LAMA4: variants seen among roughly 807,000 people sequenced by gnomAD.
The protein encoded by LAMA4 is laminin subunit alpha-4.
A neutral mutation model predicts 207.1 loss-of-function variants in LAMA4; 127 were observed. The ratio of observed to expected loss-of-function variants is 0.61; its 90% CI spans 0.53 to 0.71. The LOEUF (loss-of-function observed/expected upper bound fraction) is 0.71. Among genes scored for constraint, LAMA4 ranks in the 30% least tolerant of loss-of-function variants. The probability of loss-of-function intolerance (pLI) is 0.00; values close to 1 mark genes in which losing one functional copy is unlikely to be tolerated. For synonymous variants in LAMA4, 761 were observed against 816.0 expected (o/e 0.93, Z 1.15); for missense variants, 2,093 against 2,246.5 (o/e 0.93, Z 1.38).
chr6:112,194,802 G>T (rs1783316484), intron 5 of LAMA4, among the ~76,000 whole-genome samples: 2 of 152,154 alleles, frequency 1.3e-5, no homozygotes, highest in Admixed American at 1.3e-4. Flanking sequence ...TTTGAGTTTA[G>T]AGTAAGCATT....
intron 38 of LAMA4, among the ~76,000 whole-genome samples, chr6:112,110,202 C>CTCTTA (rs112343659): frequency 0.23 from 35,484 of 151,982 alleles, 4,210 homozygotes; most frequent in East Asian, 0.32. Flanking sequence ...GAACTTTCTC[C>CTCTTA]TCTTAATTAG....
At chr6:112,145,034 G>C in intron 18 of LAMA4, 101 bp from the exon 19 acceptor site, 1 of 1,138,964 alleles carries the variant, frequency 8.8e-7, no homozygotes, top group South Asian at 1.3e-5. Flanking sequence ...GTAGAACTAA[G>C]AGAAATGATT....
intron 31 of LAMA4, 128 bp downstream of exon 31, chr6:112,128,794 C>T: frequency 1.3e-6 from 1 of 750,246 alleles, no homozygotes. Context: ...TGTGATACTG[C>T]AAGAATCCCA....
intron 5 of LAMA4, among the ~76,000 whole-genome samples, chr6:112,195,130 T>C (rs192235798): frequency 2.4e-3 from 369 of 152,326 alleles, no homozygotes; most frequent in South Asian, 9.5e-3. Context: ...CAGCTGGCAC[T>C]GAAAGTCTTT....
chr6:112,198,942 G>C (rs952788369), intron 5 of LAMA4, among the ~76,000 whole-genome samples: 28 of 152,170 alleles, frequency 1.8e-4, no homozygotes, highest in African/African-American at 6.8e-4. Flanking sequence ...TTGCCACTTG[G>C]AGAGGTCAAA....
chr6:112,194,117 C>T (rs1166768735), intron 5 of LAMA4, among the ~76,000 whole-genome samples: 1 of 152,170 alleles, frequency 6.6e-6, no homozygotes, highest in African/African-American at 2.4e-5. Flanking sequence ...CCTGCAGGTC[C>T]CTAAGCCAGC....
intron 7 of LAMA4, among the ~76,000 whole-genome samples, chr6:112,188,487 G>C (rs1782826331): frequency 6.6e-6 from 1 of 152,182 alleles, no homozygotes; most frequent in African/African-American, 2.4e-5. Flanking sequence ...AATCTCGTCT[G>C]CTCCGAGGGA....
chr6:112,244,562 C>G (rs576560672), intron 2 of LAMA4, among the ~76,000 whole-genome samples: 1 of 152,304 alleles, frequency 6.6e-6, no homozygotes, highest in South Asian at 2.1e-4. Flanking sequence ...TTTACTCTGT[C>G]GGCTGGTTCT....
At chr6:112,164,573 C>T (rs1360907205) in intron 13 of LAMA4, among the ~76,000 whole-genome samples, 3 of 152,146 alleles carry the variant, frequency 2.0e-5, no homozygotes, top group African/African-American at 7.2e-5. Flanking sequence ...GAGAGAAAGA[C>T]AGTTTGGTGC....
At chr6:112,175,557 G>A in intron 10 of LAMA4, 77 bp from the exon 11 acceptor site, 2 of 1,406,980 alleles carry the variant, frequency 1.4e-6, no homozygotes, top group Non-Finnish European at 1.0e-6. Flanking sequence ...AGCAAGGGCT[G>A]TGGGCAAAGG....
chr6:112,172,868 C>T, intron 11 of LAMA4, 64 bp from the exon 12 acceptor site: 1 of 1,449,598 alleles, frequency 6.9e-7, no homozygotes, highest in Non-Finnish European at 9.6e-7. Context: ...TTCCTCCCAG[C>T]ATTTTGCAAA....
Position 112,144,821 on chromosome 6 carries a change from A to G in LAMA4, c.2466T>C (p.Ile822=). 1 of 1,613,774 alleles carries G rather than the reference A, an allele frequency of 6.2e-7. No homozygotes were observed. Among genetic ancestry groups the G allele is most frequent in the Non-Finnish European group, 8.5e-7 (1 of 1,180,004 alleles). Residue 822 remains isoleucine, a synonymous_variant, in exon 19 of 39, where the codon ATT becomes ATC. Coordinates refer to ENST00000230538, the MANE Select transcript of LAMA4 (RefSeq NM_001105206.3). The part of the protein sequence containing the change: ...SASIQRIREL[I]AQTRSVASKI... ...TGCTGGCAACACTTCTGGTCTGAGC[A>G]ATGAGCTCTCGGATCCTCTGGATGC...
chr6:112,195,973 C>T (rs1391994576), intron 5 of LAMA4, among the ~76,000 whole-genome samples: 7 of 95,158 alleles, frequency 7.4e-5, no homozygotes, highest in African/African-American at 4.4e-4. Flanking sequence ...ACACTACACA[C>T]ACTGCTATAT....
At chr6:112,125,703 T>C (rs1554327468) in intron 31 of LAMA4, among the ~76,000 whole-genome samples, 2 of 152,218 alleles carry the variant, frequency 1.3e-5, no homozygotes, top group African/African-American at 2.4e-5. Context: ...CCCCTGGGAA[T>C]CTATCTTAAA....
intron 32 of LAMA4, chr6:112,121,801 A>G (rs374928637): frequency 1.7e-4 from 88 of 517,024 alleles, no homozygotes; most frequent in African/African-American, 1.6e-3. Flanking sequence ...CTGGAAGAAT[A>G]CTGTTTTATG....
intron 24 of LAMA4, 115 bp downstream of exon 24, chr6:112,139,005 C>T: frequency 9.2e-7 from 1 of 1,085,128 alleles, no homozygotes; most frequent in Non-Finnish European, 1.4e-6. Context: ...ACTTTCTAAA[C>T]TAGAATTTCA....
chr6:112,241,180 T>TATGAATATATAG, intron 2 of LAMA4, among the ~76,000 whole-genome samples: 1 of 85,244 alleles, frequency 1.2e-5, no homozygotes, highest in Non-Finnish European at 2.7e-5. Flanking sequence ...TGAATATATA[T>TATGAATATATAG]GAATATATAT....
chr6:112,241,106 T>TATGA (rs1554187554), intron 2 of LAMA4, among the ~76,000 whole-genome samples: 1 of 103,596 alleles, frequency 9.7e-6, no homozygotes, highest in African/African-American at 3.8e-5. Context: ...TGAATATATA[T>TATGA]ATATATATGA....
intron 3 of LAMA4, among the ~76,000 whole-genome samples, chr6:112,211,433 T>G (rs1353441247): frequency 6.6e-6 from 1 of 152,182 alleles, no homozygotes; most frequent in Non-Finnish European, 1.5e-5. Flanking sequence ...ATTCATTCAT[T>G]CACTTAACAA....
Sources: allele counts gnomAD v4.1 joint callset (sites outside exome capture counted in the v4.1 genomes callset), GRCh38; gene constraint gnomAD v4.1.1; transcripts MANE v1.5; gene names NCBI Gene and HGNC (gene_info 2026-07-23, HGNC 2026-07-21).